The following PDE4B variants were observed in gnomAD, a reference collection of about 807,000 sequenced individuals.
PDE4B encodes 3',5'-cyclic-AMP phosphodiesterase 4B.
PDE4B carries 20 observed loss-of-function variants against 82.2 expected under a neutral mutation model. That is an observed-to-expected ratio of 0.24 (90% CI 0.17 to 0.35). The LOEUF is 0.35. Among genes scored for constraint, PDE4B ranks in the 10% least tolerant of loss-of-function variants. The pLI is 1.00. For synonymous variants in PDE4B, 320 were observed against 318.9 expected, an observed-to-expected ratio of 1.00 and a Z score of -0.04; for missense variants, 655 against 907.2, an observed-to-expected ratio of 0.72 and a Z score of 3.57.
intron 7 of PDE4B, among the ~76,000 whole-genome samples, chr1:66,275,589 C>CAAGG (rs923843056): frequency 7.8e-4 from 119 of 152,188 alleles, no homozygotes; most frequent in African/African-American, 2.7e-3. Flanking sequence ...TGCTAAGAGA[C>CAAGG]AAGGAAGGAA....
chr1:65,885,090 G>A (rs1646757112), intron 1 of PDE4B, among the ~76,000 whole-genome samples: 1 of 152,176 alleles, frequency 6.6e-6, no homozygotes, highest in East Asian at 1.9e-4. Context: ...CATTTATGCA[G>A]CCAACAGACA....
intron 3 of PDE4B, chr1:65,992,669 G>C (rs1651309929): frequency 8.2e-7 from 1 of 1,213,962 alleles, no homozygotes; most frequent in East Asian, 3.7e-5. Flanking sequence ...GACATTGGAA[G>C]CACTTTGGCG....
chr1:65,836,293 A>T (rs1188059953), intron 1 of PDE4B, among the ~76,000 whole-genome samples: 2 of 152,080 alleles, frequency 1.3e-5, no homozygotes, highest in African/African-American at 2.4e-5. Context: ...ACTCACCGCT[A>T]TCCTTACCAT....
intron 6 of PDE4B, 34 bp downstream of exon 6, chr1:66,257,897 C>G (rs780134208): frequency 6.7e-6 from 10 of 1,503,296 alleles, no homozygotes; most frequent in African/African-American, 1.4e-5. Flanking sequence ...GTTTGAATCC[C>G]TAACATAAAG....
At chr1:65,960,652 C>T (rs11805721) in intron 3 of PDE4B, among the ~76,000 whole-genome samples, 134 of 152,154 alleles carry the variant, frequency 8.8e-4, no homozygotes, top group African/African-American at 3.1e-3. Context: ...TTTTTTCAAA[C>T]ATACACATTC....
chr1:65,998,394 G>A (rs557896265), intron 3 of PDE4B, among the ~76,000 whole-genome samples: 5 of 151,526 alleles, frequency 3.3e-5, no homozygotes, highest in Non-Finnish European at 5.9e-5. Context: ...ACAAGAGTTG[G>A]AGTTTTAGCC....
chr1:66,071,731 T>C (rs1428175471), intron 3 of PDE4B, among the ~76,000 whole-genome samples: 1 of 152,096 alleles, frequency 6.6e-6, no homozygotes, highest in Non-Finnish European at 1.5e-5. Flanking sequence ...TTATGACAGA[T>C]TTTTTGTATC....
At chr1:66,155,433 G>A (rs1029398142) in intron 3 of PDE4B, among the ~76,000 whole-genome samples, 1 of 152,094 alleles carries the variant, frequency 6.6e-6, no homozygotes, top group Non-Finnish European at 1.5e-5. Context: ...ATGCCTCCAC[G>A]TAGATACCCC....
At chr1:66,135,131 G>C (rs922855870) in intron 3 of PDE4B, among the ~76,000 whole-genome samples, 1 of 152,194 alleles carries the variant, frequency 6.6e-6, no homozygotes, top group Non-Finnish European at 1.5e-5. Context: ...CCATGTGTTG[G>C]TGTGTATTGG....
At chr1:66,092,681 G>A (rs1202944404) in intron 3 of PDE4B, among the ~76,000 whole-genome samples, 1 of 152,002 alleles carries the variant, frequency 6.6e-6, no homozygotes, top group Non-Finnish European at 1.5e-5. Context: ...TCTGATCTGG[G>A]GGTAGAGTGT....
At chr1:65,988,187 A>G (rs1651052973) in intron 3 of PDE4B, among the ~76,000 whole-genome samples, 1 of 152,260 alleles carries the variant, frequency 6.6e-6, no homozygotes, top group Admixed American at 6.5e-5. Context: ...GGAATGCAAA[A>G]AATGTAAGTT....
intron 3 of PDE4B, among the ~76,000 whole-genome samples, chr1:66,228,689 G>C (rs184101762): frequency 6.6e-6 from 1 of 150,620 alleles, no homozygotes; most frequent in Admixed American, 6.6e-5. Flanking sequence ...CATGCAACAA[G>C]AAGTTCAAGG....
At chr1:66,105,922 AC>A (rs1645342159) in intron 3 of PDE4B, among the ~76,000 whole-genome samples, 1 of 151,860 alleles carries the variant, frequency 6.6e-6, no homozygotes, top group Middle Eastern at 3.2e-3. Context: ...CTAATTGAAT[AC>A]CCTTTATTTC....
chr1:66,093,804 C>G (rs1454210586), intron 3 of PDE4B, among the ~76,000 whole-genome samples: 1 of 151,990 alleles, frequency 6.6e-6, no homozygotes, highest in Non-Finnish European at 1.5e-5. Context: ...GTATTCAATT[C>G]TGCATTGAGA....
chr1:66,354,685 C>T (rs1662096354), intron 8 of PDE4B: 2 of 1,418,686 alleles, frequency 1.4e-6, no homozygotes, highest in African/African-American at 1.4e-5. Context: ...CTTTGTTTGG[C>T]TTAGGAAATG....
At chr1:66,203,849 G>A (rs936760913) in intron 3 of PDE4B, among the ~76,000 whole-genome samples, 10 of 152,052 alleles carry the variant, frequency 6.6e-5, no homozygotes, top group Admixed American at 4.6e-4. Context: ...CTCTCAACTT[G>A]TCAAGTCATT....
chr1:66,145,449 G>T (rs954350930), intron 3 of PDE4B, among the ~76,000 whole-genome samples: 1 of 152,166 alleles, frequency 6.6e-6, no homozygotes, highest in South Asian at 2.1e-4. Context: ...CTGATATTTG[G>T]ACTTTACAAA....
At chr1:66,342,183 C>T (rs1661037891) in intron 8 of PDE4B, among the ~76,000 whole-genome samples, 1 of 152,134 alleles carries the variant, frequency 6.6e-6, no homozygotes, top group Admixed American at 6.5e-5. Context: ...AATTGAGCAT[C>T]TTGGGATAAT....
intron 3 of PDE4B, among the ~76,000 whole-genome samples, chr1:66,236,416 G>T (rs562016373): frequency 2.6e-5 from 4 of 152,140 alleles, no homozygotes; most frequent in Middle Eastern, 3.4e-3. Context: ...CTTTTAAAGA[G>T]ATTTTAATAA....
Sources: gnomAD v4.1 joint callset for allele counts (sites outside exome capture counted in the v4.1 genomes callset) on GRCh38, gnomAD v4.1.1 for gene constraint, MANE v1.5 for transcripts, NCBI Gene and HGNC (gene_info 2026-07-23, HGNC 2026-07-21) for gene names.